FSTL5: variants seen among roughly 807,000 people sequenced by gnomAD.
FSTL5 encodes follistatin like 5.
FSTL5 carries 62 observed loss-of-function variants against 89.1 expected under a neutral mutation model. The observed-to-expected ratio is 0.70, with a 90% CI of 0.57 to 0.86. The LOEUF is 0.86. Ranked by LOEUF, FSTL5 falls within the 40% of genes least tolerant of loss-of-function variation. The pLI, the probability that FSTL5 is intolerant of heterozygous loss-of-function variation, is 0.00. For missense variants in FSTL5, 1,057 were observed against 1,001.6 expected (o/e 1.06, Z -0.75); for synonymous variants, 383 against 346.2 (o/e 1.11, Z -1.18).
intron 2 of FSTL5, among the ~76,000 whole-genome samples, chr4:162,084,845 C>G (rs1252628734): frequency 6.6e-6 from 1 of 152,002 alleles, no homozygotes; most frequent in African/African-American, 2.4e-5. Flanking sequence ...ATGGGTGCAG[C>G]AAACCACCAT....
At chr4:161,454,023 A>G (rs539476804) in intron 15 of FSTL5, among the ~76,000 whole-genome samples, 2 of 152,352 alleles carry the variant, frequency 1.3e-5, no homozygotes, top group South Asian at 2.1e-4. Flanking sequence ...AATTTATTCT[A>G]TCTTTGACTA....
chr4:161,725,398 T>C (rs559091096), intron 6 of FSTL5, among the ~76,000 whole-genome samples: 78 of 152,230 alleles, frequency 5.1e-4, no homozygotes, highest in African/African-American at 1.9e-3. Context: ...TTATAATAAT[T>C]TGACTGTCTT....
intron 6 of FSTL5, among the ~76,000 whole-genome samples, chr4:161,660,845 G>A (rs987505516): frequency 6.6e-6 from 1 of 152,082 alleles, no homozygotes; most frequent in Non-Finnish European, 1.5e-5. Flanking sequence ...TAGTGTATAC[G>A]TACCACATTT....
At chr4:161,923,140 G>T (rs963704322) in intron 3 of FSTL5, among the ~76,000 whole-genome samples, 2 of 151,874 alleles carry the variant, frequency 1.3e-5, no homozygotes, top group Non-Finnish European at 2.9e-5. Flanking sequence ...ATGCCTCGTG[G>T]TAGCCAAGCA....
intron 4 of FSTL5, among the ~76,000 whole-genome samples, chr4:161,825,660 T>C (rs776936642): frequency 6.6e-6 from 1 of 152,176 alleles, no homozygotes. Flanking sequence ...TTCTAGGTTT[T>C]CCAGTTTATT....
At chr4:161,415,127 C>A (rs1270032796) in intron 15 of FSTL5, among the ~76,000 whole-genome samples, 1 of 151,980 alleles carries the variant, frequency 6.6e-6, no homozygotes, top group African/African-American at 2.4e-5. Flanking sequence ...TATCACTCAC[C>A]AGCTTATTCT....
intron 15 of FSTL5, among the ~76,000 whole-genome samples, chr4:161,415,880 T>C (rs1301472991): frequency 6.7e-6 from 1 of 150,362 alleles, no homozygotes; most frequent in Admixed American, 6.7e-5. Flanking sequence ...TATTTGACAT[T>C]GTTCTTTAAT....
In FSTL5 at chr4:161,384,944, C is replaced by A. The variant is rs1292874024; in HGVS notation, c.*803G>T. 6.6e-6 allele frequency: 1 copy of A among 152,140 alleles called. No individual in the cohort carries two copies. Among genetic ancestry groups the A allele is most frequent in the Non-Finnish European group, 1.5e-5 (1 of 67,998 alleles). The allele number at this position is 152,140 out of a possible 1,614,324, so 9.4% of individuals were successfully genotyped here. On this transcript the variant is annotated 3_prime_UTR_variant, in exon 16 of 16. Coordinates refer to ENST00000306100, the MANE Select transcript of FSTL5 (RefSeq NM_020116.5). ...ATCTGTAGGCAGTTGACATCCCAGA[C>A]AAACTTGCATTAAAAACATAATGCA... is the stretch of plus-strand genomic sequence containing the variant.
chr4:161,703,828 C>T (rs978586439), intron 6 of FSTL5, among the ~76,000 whole-genome samples: 3 of 152,050 alleles, frequency 2.0e-5, no homozygotes, highest in Admixed American at 6.6e-5. Flanking sequence ...TCTAGCTCTA[C>T]CTTTATTCCA....
intron 6 of FSTL5, among the ~76,000 whole-genome samples, chr4:161,708,617 A>T (rs1181148088): frequency 6.6e-6 from 1 of 151,952 alleles, no homozygotes; most frequent in Non-Finnish European, 1.5e-5. Flanking sequence ...TTATTTTAAA[A>T]ATTTTCCAAA....
At chr4:162,055,317 T>A (rs72693240) in intron 2 of FSTL5, among the ~76,000 whole-genome samples, 8,517 of 151,780 alleles carry the variant, frequency 0.056, 387 homozygotes, top group East Asian at 0.23. Flanking sequence ...ATGAATTACA[T>A]GCTTATATAC....
intron 8 of FSTL5, among the ~76,000 whole-genome samples, chr4:161,567,996 G>T (rs1732877062): frequency 6.6e-6 from 1 of 151,744 alleles, no homozygotes. Flanking sequence ...TGTTGGATCT[G>T]CCTGAAAAGA....
At chr4:161,958,781 T>A (rs887878970) in intron 3 of FSTL5, among the ~76,000 whole-genome samples, 2 of 152,176 alleles carry the variant, frequency 1.3e-5, no homozygotes, top group Admixed American at 6.6e-5. Flanking sequence ...GATCAAATCC[T>A]GCAGAGGAAA....
chr4:161,993,299 C>T (rs1233977817), intron 3 of FSTL5, among the ~76,000 whole-genome samples: 1 of 151,536 alleles, frequency 6.6e-6, no homozygotes, highest in Admixed American at 6.6e-5. Flanking sequence ...AGAATTGTAA[C>T]TGAATAATGA....
chr4:162,093,947 C>T (rs1730650244), intron 2 of FSTL5, among the ~76,000 whole-genome samples: 1 of 152,124 alleles, frequency 6.6e-6, no homozygotes, highest in Non-Finnish European at 1.5e-5. Context: ...AATTTGGTCA[C>T]AGCAGCAATA....
At chr4:162,038,234 G>A (rs969998299) in intron 2 of FSTL5, among the ~76,000 whole-genome samples, 5 of 151,730 alleles carry the variant, frequency 3.3e-5, no homozygotes, top group Admixed American at 6.6e-5. Flanking sequence ...CAAACTATTC[G>A]TGTTTTACAT....
At chr4:161,743,511 A>G (rs921496350) in intron 6 of FSTL5, among the ~76,000 whole-genome samples, 2 of 152,044 alleles carry the variant, frequency 1.3e-5, no homozygotes, top group Admixed American at 1.3e-4. Flanking sequence ...TTCTTTTGTC[A>G]AGATTGTTTT....
intron 8 of FSTL5, among the ~76,000 whole-genome samples, chr4:161,553,917 C>T (rs549582633): frequency 6.6e-6 from 1 of 151,458 alleles, no homozygotes; most frequent in Non-Finnish European, 1.5e-5. Flanking sequence ...TTAAATAAAT[C>T]AAACAAATCT....
At chr4:162,054,561 G>C (rs957737131) in intron 2 of FSTL5, among the ~76,000 whole-genome samples, 7 of 151,774 alleles carry the variant, frequency 4.6e-5, no homozygotes, top group Non-Finnish European at 8.8e-5. Context: ...TTAAATGTAA[G>C]AGCAAGTAAA....
Sources: allele counts gnomAD v4.1 joint callset (sites outside exome capture counted in the v4.1 genomes callset), GRCh38; gene constraint gnomAD v4.1.1; transcripts MANE v1.5; gene names NCBI Gene and HGNC (gene_info 2026-07-23, HGNC 2026-07-21).